SLC13A1: variants seen among roughly 807,000 people sequenced by gnomAD.
SLC13A1 encodes the protein solute carrier family 13 member 1.
SLC13A1 carries 65 observed loss-of-function variants against 70.0 expected under a neutral mutation model. That is an observed-to-expected ratio of 0.93 (90% CI 0.76 to 1.14). The LOEUF (loss-of-function observed/expected upper bound fraction) is 1.14, where lower values mean the gene tolerates loss of function less well. Ranked by LOEUF, SLC13A1 falls within the 50% of genes most tolerant of loss-of-function variation. The pLI, the probability that SLC13A1 is intolerant of heterozygous loss-of-function variation, is 0.00. For missense variants in SLC13A1, 726 were observed against 717.8 expected, an observed-to-expected ratio of 1.01 and a Z score of -0.13; for synonymous variants, 275 against 250.5, an observed-to-expected ratio of 1.10 and a Z score of -0.92.
intron 2 of SLC13A1, among the ~76,000 whole-genome samples, chr7:123,180,297 A>G (rs915797962): frequency 6.6e-6 from 1 of 152,174 alleles, no homozygotes; most frequent in Non-Finnish European, 1.5e-5. Context: ...CCCAGGCAGA[A>G]GATAGAAGTC....
chr7:123,117,545 C>G lies in SLC13A1; in HGVS notation c.1576G>C (p.Ala526Pro), dbSNP rs376970561. 2.9e-5 allele frequency: 47 copies of G among 1,611,480 alleles called. No individual in the cohort carries two copies. The highest frequency in any genetic ancestry group is 3.8e-5 in the Non-Finnish European group (45 of 1,178,378). ...LIPSTLCTSF[A>P]FLLPVANPPN... ...GGATTTGCTACTGGTAGGAGGAATG[C>G]AAATGAAGTACACAGAGTAGAAGGT... The change falls in exon 14 of 15, where the codon GCA (alanine) becomes CCA (proline). Residue 526 changes from alanine (A) to proline (P), a missense_variant. Coordinates refer to ENST00000194130, the MANE Select transcript of SLC13A1 (RefSeq NM_022444.4).
intron 6 of SLC13A1, among the ~76,000 whole-genome samples, chr7:123,153,063 A>G (rs1308009754): frequency 6.6e-6 from 1 of 152,102 alleles, no homozygotes; most frequent in Non-Finnish European, 1.5e-5. Flanking sequence ...AAAACTTTCA[A>G]AAATATAAAT....
intron 12 of SLC13A1, among the ~76,000 whole-genome samples, chr7:123,121,785 G>A (rs552547761): frequency 6.6e-6 from 1 of 152,108 alleles, no homozygotes; most frequent in Non-Finnish European, 1.5e-5. Context: ...ACTAGAAAGA[G>A]TATCTGGTTC....
Position 123,154,818 on chromosome 7 carries a change from C to T in SLC13A1, c.661-7508G>A, listed in dbSNP as rs916018256. 3.3e-5 allele frequency among the ~76,000 whole-genome samples: 5 copies of T among 152,052 alleles called. No individual in the cohort carries two copies. The South Asian group carries it at 1.0e-3, about 31-fold the overall frequency. On this transcript the variant is annotated intron_variant, in intron 6 of 14. Transcript: ENST00000194130. Reference sequence around the variant, plus strand: ...CTTGATGACATCTCTTTCAGGGCCTCCTTTCCTGTCCCAAACCTAGTTATT... The same window carrying T: ...CTTGATGACATCTCTTTCAGGGCCTTCTTTCCTGTCCCAAACCTAGTTATT...
Position 123,117,586 on chromosome 7 carries a change from G to C in SLC13A1, c.1535C>G (p.Pro512Arg), listed in dbSNP as rs1195985029. 5 of 1,607,974 alleles carry C rather than the reference G, an allele frequency of 3.1e-6. No homozygotes were observed. Among genetic ancestry groups the C allele is most frequent in the African/African-American group, 1.3e-5 (1 of 74,762 alleles). The change falls in exon 14 of 15, where the codon CCT becomes CGT. Residue 512 changes from proline (P) to arginine (R), a missense_variant. By Grantham distance (103) the Pro-to-Arg change is moderately radical (BLOSUM62 -2). Coordinates refer to ENST00000194130, the MANE Select transcript of SLC13A1 (RefSeq NM_022444.4). ...AGTAGAAGGTATCAGAATATAAAGA[G>C]GGTTCACATGAATGGCTTCGGCCTG... ...SPLAEAIHVN[P>R]LYILIPSTLC...
At chr7:123,126,341 A>T (rs1793558786) in intron 10 of SLC13A1, among the ~76,000 whole-genome samples, 1 of 152,176 alleles carries the variant, frequency 6.6e-6, no homozygotes, top group African/African-American at 2.4e-5. Flanking sequence ...ATTAAGACTG[A>T]TTCAGGAACA....
At chr7:123,129,738 G>A (rs1389667332) in intron 8 of SLC13A1, among the ~76,000 whole-genome samples, 1 of 151,952 alleles carries the variant, frequency 6.6e-6, no homozygotes, top group African/African-American at 2.4e-5. Flanking sequence ...TATTTTCCAT[G>A]ACATCCTTTA....
intron 6 of SLC13A1, among the ~76,000 whole-genome samples, chr7:123,160,628 G>A (rs1053884916): frequency 6.6e-6 from 1 of 152,052 alleles, no homozygotes; most frequent in African/African-American, 2.4e-5. Flanking sequence ...AACCTAATTA[G>A]TTAAAAATGT....
chr7:123,131,184 A>G (rs1337605228), intron 8 of SLC13A1, among the ~76,000 whole-genome samples: 1 of 152,208 alleles, frequency 6.6e-6, no homozygotes, highest in East Asian at 1.9e-4. Context: ...TGCTACATTT[A>G]TGATCAATTA....
At chr7:123,128,140 C>T (rs894121019) in intron 10 of SLC13A1, among the ~76,000 whole-genome samples, 1 of 151,950 alleles carries the variant, frequency 6.6e-6, no homozygotes, top group Admixed American at 6.6e-5. Context: ...CCTATTATTT[C>T]TTCAGAAATT....
At chr7:123,162,026 CTT>C (rs74273952) in intron 6 of SLC13A1, among the ~76,000 whole-genome samples, 17 of 131,004 alleles carry the variant, frequency 1.3e-4, no homozygotes, top group African/African-American at 2.2e-4. Context: ...AAACATATTT[CTT>C]TTTTTTTTTT....
At chr7:123,186,217 A>C (rs1247783397) in intron 1 of SLC13A1, among the ~76,000 whole-genome samples, 1 of 152,064 alleles carries the variant, frequency 6.6e-6, no homozygotes. Context: ...GATAGAAAAA[A>C]AAACAACCAT....
At position 123,187,365 on chromosome 7, in the gene SLC13A1, A is replaced by G. The variant is rs1481344294; in HGVS notation, c.100-6264T>C. Reference sequence around the variant, plus strand: ...TGTATTCTTTAGAAGCATTTTCAAAATTATAAAATATTTAGAACATAGTAA... The same window carrying G: ...TGTATTCTTTAGAAGCATTTTCAAAGTTATAAAATATTTAGAACATAGTAA... On this transcript the variant is annotated intron_variant, in intron 1 of 14. Coordinates refer to ENST00000194130, the MANE Select transcript of SLC13A1 (RefSeq NM_022444.4). Among the ~76,000 whole-genome samples, 4 of 152,228 alleles carry G rather than the reference A, an allele frequency of 2.6e-5. No homozygotes were observed. The South Asian group carries it at 8.3e-4, about 32-fold the overall frequency.
chr7:123,169,722 A>G (rs778356333), intron 3 of SLC13A1, among the ~76,000 whole-genome samples: 1 of 152,200 alleles, frequency 6.6e-6, no homozygotes, highest in Non-Finnish European at 1.5e-5. Context: ...ACGAAACTGC[A>G]ATCAACTTTT....
chr7:123,171,763 C>T lies in SLC13A1; in HGVS notation c.365+5G>A, dbSNP rs1585374807. On this transcript the variant is annotated splice_donor_5th_base_variant and intron_variant, in intron 3 of 14. Coordinates refer to ENST00000194130, the MANE Select transcript of SLC13A1 (RefSeq NM_022444.4). ...TAAACTGGAAGCAGTAAATGCAGTACTTACCATGCAGGATTTACACCAACC... is the reference window on the plus strand; with the variant it reads ...TAAACTGGAAGCAGTAAATGCAGTATTTACCATGCAGGATTTACACCAACC... The T allele has an allele frequency of 1.9e-6, 3 of 1,613,534 alleles. No individual in the cohort carries two copies. Among genetic ancestry groups the T allele is most frequent in the African/African-American group, 2.7e-5 (2 of 74,908 alleles).
intron 6 of SLC13A1, among the ~76,000 whole-genome samples, chr7:123,160,614 A>G (rs923887597): frequency 9.2e-5 from 14 of 152,162 alleles, no homozygotes; most frequent in Admixed American, 7.9e-4. Flanking sequence ...TTTGGAAAAC[A>G]TCGAACCTAA....
At chr7:123,149,466 C>T (rs764528325) in intron 6 of SLC13A1, 7 of 456,442 alleles carry the variant, frequency 1.5e-5, no homozygotes, top group South Asian at 1.1e-4. Flanking sequence ...GAGACTCTTC[C>T]CTTCTTTCGA....
intron 7 of SLC13A1, among the ~76,000 whole-genome samples, chr7:123,138,489 C>T (rs1794026654): frequency 1.3e-5 from 2 of 152,132 alleles, no homozygotes; most frequent in Non-Finnish European, 2.9e-5. Context: ...GAGGAACTTC[C>T]AAACTGTTCT....
chr7:123,198,782 G>A (rs1333887413), intron 1 of SLC13A1, among the ~76,000 whole-genome samples: 1 of 151,974 alleles, frequency 6.6e-6, no homozygotes, highest in Non-Finnish European at 1.5e-5. Flanking sequence ...CTTGTTAGAG[G>A]AGAGCATCAG....
Sources: allele counts gnomAD v4.1 joint callset (sites outside exome capture counted in the v4.1 genomes callset), GRCh38; gene constraint gnomAD v4.1.1; transcripts MANE v1.5; gene names NCBI Gene and HGNC (gene_info 2026-07-23, HGNC 2026-07-21).